Variants in ZNF536 observed in about 807,000 individuals in gnomAD.
The protein encoded by ZNF536 is zinc finger protein 536.
Under a neutral mutation model 84.5 loss-of-function variants are expected in ZNF536, and 13 were observed. The observed-to-expected ratio is 0.15, with a 90% CI of 0.10 to 0.24. ZNF536 has a LOEUF of 0.24. Ranked by LOEUF, ZNF536 falls within the 10% of genes least tolerant of loss-of-function variation. ZNF536 has a pLI of 1.00. For synonymous variants in ZNF536, 811 were observed against 742.5 expected (o/e 1.09, Z -1.50); for missense variants, 1,536 against 1,747.5 (o/e 0.88, Z 2.16).
chr19:30,330,245 G>A (rs2047167433), intron 2 of ZNF536, among the ~76,000 whole-genome samples: 1 of 152,196 alleles, frequency 6.6e-6, no homozygotes, highest in Non-Finnish European at 1.5e-5. Context: ...TCATGTAGAA[G>A]TTTGTGGCCA....
At chr19:30,675,727 C>T (rs1487514358) in intron 1 of ZNF536, among the ~76,000 whole-genome samples, 1 of 152,170 alleles carries the variant, frequency 6.6e-6, no homozygotes, top group African/African-American at 2.4e-5. Context: ...GGAGACATTC[C>T]TTGACTTTCC....
intron 1 of ZNF536, among the ~76,000 whole-genome samples, chr19:30,280,960 G>A (rs1819223205): frequency 6.6e-6 from 1 of 152,156 alleles, no homozygotes; most frequent in Non-Finnish European, 1.5e-5. Flanking sequence ...GAACATGGCT[G>A]GGCTGCTGGG....
chr19:30,248,396 A>T (rs796337925), intron 1 of ZNF536, among the ~76,000 whole-genome samples: 1,389 of 133,968 alleles, frequency 0.01, 4 homozygotes, highest in Non-Finnish European at 0.017. Flanking sequence ...TGCCCTGCTA[A>T]TTTTTTTTTT....
At chr19:30,349,489 G>A (rs1057346684) in intron 2 of ZNF536, among the ~76,000 whole-genome samples, 1 of 152,172 alleles carries the variant, frequency 6.6e-6, no homozygotes. Flanking sequence ...GCCAAGCTCA[G>A]GTGTCCTGTT....
chr19:30,513,777 G>C (rs964574959), intron 2 of ZNF536, among the ~76,000 whole-genome samples: 1 of 152,160 alleles, frequency 6.6e-6, no homozygotes, highest in Non-Finnish European at 1.5e-5. Flanking sequence ...TTTGGAGGTG[G>C]AGCAAGGTCC....
At position 30,555,889 on chromosome 19, in the gene ZNF536, G is replaced by C. The variant is rs2045949187; in HGVS notation, c.3896-1268G>C. 1.3e-5 allele frequency: 2 copies of C among 152,212 alleles called. 1 individual carries two copies. Among genetic ancestry groups the C allele is most frequent in the South Asian group, 4.1e-4 (2 of 4,830 alleles). The allele number at this position is 152,212 out of a possible 1,614,324, so 9.4% of individuals were successfully genotyped here. A position where few individuals can be genotyped will look rare whatever the true frequency, so the allele number is the denominator to read the frequency against. On this transcript the variant is annotated intron_variant, in intron 4 of 4. Transcript: ENST00000355537. ...AAATCCCAATCTGCCGAGTGTGTGGGAGTGCAGGCTGTACCCAGCCAGCAC... is the reference window on the plus strand; with the variant it reads ...AAATCCCAATCTGCCGAGTGTGTGGCAGTGCAGGCTGTACCCAGCCAGCAC...
chr19:30,509,080 C>T (rs921231863), intron 2 of ZNF536, among the ~76,000 whole-genome samples: 3 of 150,872 alleles, frequency 2.0e-5, no homozygotes, highest in African/African-American at 7.3e-5. Flanking sequence ...AGTGATCATC[C>T]TGCCTTGACT....
At chr19:30,649,659 C>T (rs920037954) in intron 1 of ZNF536, among the ~76,000 whole-genome samples, 3 of 151,356 alleles carry the variant, frequency 2.0e-5, no homozygotes, top group African/African-American at 7.3e-5. Flanking sequence ...CCAGTAGCCC[C>T]TTTGGGGTCA....
At chr19:30,521,436 A>G (rs1054348067) in intron 2 of ZNF536, among the ~76,000 whole-genome samples, 3 of 152,218 alleles carry the variant, frequency 2.0e-5, no homozygotes, top group Admixed American at 6.5e-5. Flanking sequence ...TCTTTGGACC[A>G]GTCTATGGGA....
intron 2 of ZNF536, among the ~76,000 whole-genome samples, chr19:30,349,541 C>T (rs2047863285): frequency 6.6e-6 from 1 of 152,172 alleles, no homozygotes; most frequent in Non-Finnish European, 1.5e-5. Flanking sequence ...AACCTCAACT[C>T]ATGGCCAATG....
chr19:30,698,179 C>A (rs528354824), intron 1 of ZNF536, among the ~76,000 whole-genome samples: 1 of 152,030 alleles, frequency 6.6e-6, no homozygotes, highest in Non-Finnish European at 1.5e-5. Context: ...GTAGTCCCAG[C>A]TACGCAGGAT....
chr19:30,428,795 A>G (rs1413522298), intron 1 of ZNF536, among the ~76,000 whole-genome samples: 1 of 152,180 alleles, frequency 6.6e-6, no homozygotes, highest in Non-Finnish European at 1.5e-5. Flanking sequence ...CCTTGTGCAG[A>G]GAGAAACATT....
chr19:30,654,454 G>T (rs968395726), intron 1 of ZNF536, among the ~76,000 whole-genome samples: 1 of 151,428 alleles, frequency 6.6e-6, no homozygotes, highest in Non-Finnish European at 1.5e-5. Flanking sequence ...GAAACTGGTG[G>T]GTTGCATTGG....
intron 1 of ZNF536, among the ~76,000 whole-genome samples, chr19:30,708,674 T>C (rs1166723384): frequency 6.6e-6 from 1 of 152,156 alleles, no homozygotes. Context: ...GTAGAATGGA[T>C]TAGTCCTGGA....
At chr19:30,284,676 G>T (rs1287041381) in intron 2 of ZNF536, among the ~76,000 whole-genome samples, 1 of 152,122 alleles carries the variant, frequency 6.6e-6, no homozygotes, top group African/African-American at 2.4e-5. Context: ...CAAAACAAAG[G>T]GTGACATATG....
At chr19:30,361,804 C>T (rs1395932502) in intron 3 of ZNF536, among the ~76,000 whole-genome samples, 2 of 129,380 alleles carry the variant, frequency 1.5e-5, no homozygotes, top group Non-Finnish European at 3.2e-5. Flanking sequence ...GCAAGGCAGG[C>T]GTCCTCCAGG....
chr19:30,655,136 G>A (rs1307902558), intron 1 of ZNF536, among the ~76,000 whole-genome samples: 1 of 152,100 alleles, frequency 6.6e-6, no homozygotes, highest in Non-Finnish European at 1.5e-5. Flanking sequence ...CTCAGCATTT[G>A]GCTGCTGGTT....
chr19:30,499,616 T>C (rs1429139535), intron 2 of ZNF536, among the ~76,000 whole-genome samples: 1 of 152,254 alleles, frequency 6.6e-6, no homozygotes, highest in East Asian at 1.9e-4. Context: ...AACATCCAAA[T>C]TGTAGACTTT....
intron 3 of ZNF536, among the ~76,000 whole-genome samples, chr19:30,353,006 T>C (rs1001278754): frequency 6.6e-6 from 1 of 152,222 alleles, no homozygotes; most frequent in Non-Finnish European, 1.5e-5. Flanking sequence ...TTCATTCTGA[T>C]AGTAAAACCA....
Sources: allele counts gnomAD v4.1 joint callset (sites outside exome capture counted in the v4.1 genomes callset), GRCh38; gene constraint gnomAD v4.1.1; transcripts MANE v1.5; gene names NCBI Gene and HGNC (gene_info 2026-07-23, HGNC 2026-07-21).